Variants in FSHR observed in about 807,000 individuals in gnomAD.
The protein encoded by FSHR is follicle stimulating hormone receptor, also known as follicle-stimulating hormone receptor.
Under a neutral mutation model 52.1 loss-of-function variants are expected in FSHR, and 46 were observed. The ratio of observed to expected loss-of-function variants is 0.88; its 90% CI spans 0.70 to 1.13. The LOEUF is 1.13. Among genes scored for constraint, FSHR ranks in the 50% most tolerant of loss-of-function variants. FSHR has a pLI of 0.00. For synonymous variants in FSHR, 399 were observed against 309.6 expected (o/e 1.29, Z -3.03); for missense variants, 964 against 834.6 (o/e 1.16, Z -1.91).
At chr2:48,998,340 A>C (rs1676116581) in intron 4 of FSHR, among the ~76,000 whole-genome samples, 1 of 152,128 alleles carries the variant, frequency 6.6e-6, no homozygotes, top group African/African-American at 2.4e-5. Flanking sequence ...ACATGTATGG[A>C]AATTGTTAAT....
intron 1 of FSHR, among the ~76,000 whole-genome samples, chr2:49,127,815 T>TTCA (rs1672084062): frequency 1.6e-5 from 1 of 61,038 alleles, no homozygotes; most frequent in African/African-American, 7.1e-5. Flanking sequence ...CTTCTTCTTC[T>TTCA]TCTTCTTCTT....
At chr2:49,038,549 T>C (rs961730711) in intron 2 of FSHR, among the ~76,000 whole-genome samples, 6 of 149,710 alleles carry the variant, frequency 4.0e-5, no homozygotes, top group Admixed American at 6.7e-5. Context: ...GGCGTGAACC[T>C]GGGAGGCGGA....
rs70946848 is a variant in FSHR at position 49,056,445 on chromosome 2, AATATATATATAT to A, written c.224+11762_224+11773del. 4.9e-3 allele frequency among the ~76,000 whole-genome samples: 636 copies of A among 128,564 alleles called. 4 individuals are homozygous for A. Among genetic ancestry groups the A allele is most frequent in the African/African-American group, 0.011 (352 of 31,416 alleles). The allele number at this position is 128,564 out of a possible 152,430, so 84.3% of individuals were successfully genotyped here. A position where few individuals can be genotyped will look rare whatever the true frequency, so the allele number is the denominator to read the frequency against. The stretch of plus-strand genomic sequence containing the variant: ...TTCAGCAAGAAATCATTACAATTGG[AATATATATATAT>A]ATATATATATATATATATATATATA... On this transcript the variant is annotated intron_variant, in intron 2 of 9. Coordinates refer to ENST00000406846, the MANE Select transcript of FSHR (RefSeq NM_000145.4).
chr2:49,051,432 G>A (rs1348696359), intron 2 of FSHR, among the ~76,000 whole-genome samples: 2 of 152,050 alleles, frequency 1.3e-5, no homozygotes, highest in Non-Finnish European at 2.9e-5. Context: ...TTTTGCTAAT[G>A]ACTAATGATG....
intron 8 of FSHR, among the ~76,000 whole-genome samples, chr2:48,969,797 T>C (rs1559078330): frequency 6.6e-6 from 1 of 152,204 alleles, no homozygotes; most frequent in Non-Finnish European, 1.5e-5. Flanking sequence ...GTTCCATCCT[T>C]TCTGGCAGCA....
intron 1 of FSHR, among the ~76,000 whole-genome samples, chr2:49,150,922 G>A (rs1417223470): frequency 1.3e-5 from 2 of 151,776 alleles, no homozygotes; most frequent in African/African-American, 4.8e-5. Flanking sequence ...TTTTCACATG[G>A]TTGAAAAAAA....
rs778824635 is a variant in FSHR at position 48,963,111 on chromosome 2, G to A, written c.1710C>T (p.Ile570=). 45 of 1,613,952 alleles carry A rather than the reference G, an allele frequency of 2.8e-5. No homozygotes were observed. The highest frequency in any genetic ancestry group is 2.2e-5 in the South Asian group (2 of 91,068). ...AGATGAGCATGGCCATGCGCTTGGCGATCCTGGTGTCACTAGAGGAGGACA... is the reference window on the plus strand; with the variant it reads ...AGATGAGCATGGCCATGCGCTTGGCAATCCTGGTGTCACTAGAGGAGGACA... ...NIVSSSSDTR[I]AKRMAMLIFT... is the part of the protein sequence containing the mutation. Residue 570 remains isoleucine, a synonymous_variant, in exon 10 of 10, where the codon ATC becomes ATT. Transcript: ENST00000406846.
In FSHR at chr2:49,074,426, C is replaced by T. The variant is rs117467284; in HGVS notation, c.153-6136G>A. 9.9e-5 allele frequency among the ~76,000 whole-genome samples: 15 copies of T among 152,112 alleles called. No individual in the cohort carries two copies. The East Asian group carries it at 2.9e-3, about 29-fold the overall frequency. Reference sequence around the variant, plus strand: ...AAACAACAAATACATAAAACAGGTTCCCTGATCATCAGGAAAATTCAAATT... The same window carrying T: ...AAACAACAAATACATAAAACAGGTTTCCTGATCATCAGGAAAATTCAAATT... On this transcript the variant is annotated intron_variant, in intron 1 of 9. Coordinates refer to ENST00000406846, the MANE Select transcript of FSHR (RefSeq NM_000145.4).
intron 2 of FSHR, among the ~76,000 whole-genome samples, chr2:49,033,360 A>T (rs1668168019): frequency 6.6e-6 from 1 of 152,214 alleles, no homozygotes; most frequent in Non-Finnish European, 1.5e-5. Context: ...ACCTGCCAAG[A>T]AGAACCTGAG....
chr2:49,090,994 C>CTA (rs2103689990), intron 1 of FSHR, among the ~76,000 whole-genome samples: 1 of 151,424 alleles, frequency 6.6e-6, no homozygotes, highest in Admixed American at 6.6e-5. Context: ...TGAGAATTCT[C>CTA]TATATATACT....
intron 9 of FSHR, among the ~76,000 whole-genome samples, chr2:48,968,269 G>A (rs1173068625): frequency 6.6e-6 from 1 of 152,172 alleles, no homozygotes; most frequent in Non-Finnish European, 1.5e-5. Flanking sequence ...CGGCAGATAT[G>A]TACATCAGTC....
intron 4 of FSHR, among the ~76,000 whole-genome samples, chr2:48,994,911 A>G (rs1675954608): frequency 6.6e-6 from 1 of 152,126 alleles, no homozygotes; most frequent in Non-Finnish European, 1.5e-5. Context: ...CTTAATCTTC[A>G]GGTTGTAAAG....
rs948738672 is a variant in FSHR, at chr2:49,072,855, C to A, written c.153-4565G>T. ...AGAACTACACCTGTTTGAATGTTTACTGAAGAAAGCTGGATTTACCACTTA... is the reference window on the plus strand; with the variant it reads ...AGAACTACACCTGTTTGAATGTTTAATGAAGAAAGCTGGATTTACCACTTA... On this transcript the variant is annotated intron_variant, in intron 1 of 9. Coordinates refer to ENST00000406846, the MANE Select transcript of FSHR (RefSeq NM_000145.4). Among the ~76,000 whole-genome samples the A allele has an allele frequency of 3.9e-5, 6 of 152,104 alleles. No homozygotes were observed. The South Asian group carries it at 1.2e-3, about 32-fold the overall frequency.
chr2:49,050,684 G>C (rs1504175), intron 2 of FSHR, among the ~76,000 whole-genome samples: 2 of 151,900 alleles, frequency 1.3e-5, no homozygotes, highest in Admixed American at 1.3e-4. Flanking sequence ...TACAGTGTGA[G>C]TTAACTGAGA....
At chr2:48,966,304 T>C (rs1277393172) in intron 9 of FSHR, among the ~76,000 whole-genome samples, 1 of 152,126 alleles carries the variant, frequency 6.6e-6, no homozygotes, top group African/African-American at 2.4e-5. Context: ...CAATTTAATA[T>C]TGAATTGTGA....
chr2:49,015,451 G>A (rs186031808), intron 4 of FSHR, among the ~76,000 whole-genome samples: 61 of 152,192 alleles, frequency 4.0e-4, no homozygotes, highest in African/African-American at 1.3e-3. Context: ...TGAGCACTTC[G>A]TATTTGACAA....
chr2:48,987,004 G>A (rs1206914831), intron 6 of FSHR, among the ~76,000 whole-genome samples: 1 of 152,044 alleles, frequency 6.6e-6, no homozygotes, highest in Non-Finnish European at 1.5e-5. Context: ...TATTTAAAAT[G>A]AACATATATT....
intron 1 of FSHR, among the ~76,000 whole-genome samples, chr2:49,114,646 G>A (rs1045545331): frequency 6.6e-6 from 1 of 152,134 alleles, no homozygotes; most frequent in Non-Finnish European, 1.5e-5. Flanking sequence ...GGGACAATAT[G>A]TGTGAAAATA....
intron 6 of FSHR, among the ~76,000 whole-genome samples, chr2:48,984,184 C>G (rs1296154897): frequency 6.6e-6 from 1 of 152,180 alleles, no homozygotes; most frequent in Non-Finnish European, 1.5e-5. Flanking sequence ...AGGAGAACAA[C>G]TGTATGTCTT....
Sources: gnomAD v4.1 joint callset for allele counts (sites outside exome capture counted in the v4.1 genomes callset) on GRCh38, gnomAD v4.1.1 for gene constraint, MANE v1.5 for transcripts, NCBI Gene and HGNC (gene_info 2026-07-23, HGNC 2026-07-21) for gene names.